Variants in KIF13B observed in about 807,000 individuals in gnomAD.
KIF13B encodes the protein kinesin-like protein KIF13B.
Under a neutral mutation model 222.0 loss-of-function variants are expected in KIF13B, and 127 were observed. That is an observed-to-expected ratio of 0.57 (90% CI 0.50 to 0.66). KIF13B has a LOEUF of 0.66. Among genes scored for constraint, KIF13B ranks in the 30% least tolerant of loss-of-function variants. The probability of loss-of-function intolerance (pLI) is 0.00; values close to 1 mark genes in which losing one functional copy is unlikely to be tolerated. For missense variants in KIF13B, 2,173 were observed against 2,379.0 expected, an observed-to-expected ratio of 0.91 and a Z score of 1.80; for synonymous variants, 976 against 919.0, an observed-to-expected ratio of 1.06 and a Z score of -1.12.
chr8:29,259,886 C>G (rs1300036607), intron 1 of KIF13B, among the ~76,000 whole-genome samples: 1 of 152,122 alleles, frequency 6.6e-6, no homozygotes, highest in East Asian at 1.9e-4. Flanking sequence ...AGCTTTGCAT[C>G]TCAGATGAAG....
intron 1 of KIF13B, among the ~76,000 whole-genome samples, chr8:29,253,345 G>A (rs968880328): frequency 1.3e-5 from 2 of 151,220 alleles, no homozygotes; most frequent in Admixed American, 6.6e-5. Context: ...CCCCATATCT[G>A]AAAACAAATA....
At chr8:29,259,960 CTG>C in intron 1 of KIF13B, among the ~76,000 whole-genome samples, 1 of 152,336 alleles carries the variant, frequency 6.6e-6, no homozygotes, top group South Asian at 2.1e-4. Flanking sequence ...TGAGCACAAA[CTG>C]GCATGGAAAT....
intron 2 of KIF13B, among the ~76,000 whole-genome samples, chr8:29,231,469 T>C (rs1252149917): frequency 1.3e-5 from 2 of 151,998 alleles, no homozygotes; most frequent in African/African-American, 4.8e-5. Flanking sequence ...ACTGGCCGAG[T>C]GACTAAGGAG....
At chr8:29,136,792 C>T (rs1274079518) in intron 21 of KIF13B, among the ~76,000 whole-genome samples, 1 of 140,650 alleles carries the variant, frequency 7.1e-6, no homozygotes, top group African/African-American at 2.7e-5. Context: ...AGACCTGTAA[C>T]AGGTTTTTTT....
chr8:29,185,819 C>T (rs184813150), intron 6 of KIF13B, among the ~76,000 whole-genome samples: 5 of 152,292 alleles, frequency 3.3e-5, no homozygotes, highest in East Asian at 3.9e-4. Context: ...AATCTGAACT[C>T]GAAAAACTCT....
chr8:29,180,339 C>T, intron 7 of KIF13B, 101 bp from the exon 8 acceptor site: 2 of 1,184,878 alleles, frequency 1.7e-6, no homozygotes, highest in Non-Finnish European at 2.5e-6. Flanking sequence ...GCTACTTAGT[C>T]AACAACATTT....
At chr8:29,241,449 G>A (rs1815774140) in intron 2 of KIF13B, among the ~76,000 whole-genome samples, 1 of 152,214 alleles carries the variant, frequency 6.6e-6, no homozygotes, top group Admixed American at 6.5e-5. Context: ...TTGGTTCTTA[G>A]AAGCTTATAA....
intron 7 of KIF13B, among the ~76,000 whole-genome samples, chr8:29,180,872 T>C (rs1349549642): frequency 6.6e-6 from 1 of 152,138 alleles, no homozygotes; most frequent in African/African-American, 2.4e-5. Context: ...TTTAACTGCA[T>C]TAATAACAAT....
chr8:29,137,874 T>G (rs1810636903), intron 21 of KIF13B, among the ~76,000 whole-genome samples: 2 of 152,128 alleles, frequency 1.3e-5, no homozygotes, highest in Admixed American at 1.3e-4. Flanking sequence ...ACAACAGGAC[T>G]CAAGGGCCAA....
Position 29,249,359 on chromosome 8 carries a change from G to A in KIF13B, c.56-3920C>T, listed in dbSNP as rs140685652. Among the ~76,000 whole-genome samples, 42 of 151,486 alleles carry A rather than the reference G, an allele frequency of 2.8e-4. 1 individual carries two copies. In the East Asian group the frequency reaches 8.1e-3, roughly 29 times the overall value. ...GCACGAGAATCACTTGAAACCAGGA[G>A]GTGGAGGTTGCAGTGAGCCAAGATC... is the stretch of plus-strand genomic sequence containing the variant. On this transcript the variant is annotated intron_variant, in intron 1 of 39. Transcript: ENST00000524189.
chr8:29,133,725 T>G (rs1202664775), intron 22 of KIF13B, among the ~76,000 whole-genome samples: 2 of 152,260 alleles, frequency 1.3e-5, no homozygotes, highest in East Asian at 3.8e-4. Context: ...CTGTTACCTG[T>G]GTTCACTTTC....
rs1807114479 is a variant in KIF13B, at chr8:29,068,727, T to C, written c.*1777A>G. 1.3e-5 allele frequency: 2 copies of C among 152,394 alleles called. No individual in the cohort carries two copies. The highest frequency in any genetic ancestry group is 2.1e-4 in the South Asian group (1 of 4,832). 9.4% of individuals were successfully genotyped at this position (152,394 alleles called of 1,614,324 possible). On this transcript the variant is annotated 3_prime_UTR_variant, in exon 40 of 40. Coordinates refer to ENST00000524189, the MANE Select transcript of KIF13B (RefSeq NM_015254.4). The surrounding 1 kb of genome is among the most constrained non-coding windows in gnomAD (Gnocchi z 4.4). ...CAGTGCTGGCCTCTCACCCAGGCCA[T>C]AGTGACACCAGCGGACCCAAAAACA... is the stretch of plus-strand genomic sequence containing the variant.
intron 24 of KIF13B, among the ~76,000 whole-genome samples, chr8:29,129,803 C>G (rs1810268332): frequency 6.6e-6 from 1 of 152,218 alleles, no homozygotes; most frequent in Non-Finnish European, 1.5e-5. Flanking sequence ...ATCTACCCAG[C>G]TGTGTGTACT....
intron 2 of KIF13B, among the ~76,000 whole-genome samples, chr8:29,236,444 G>C (rs1815511446): frequency 6.6e-6 from 1 of 152,062 alleles, no homozygotes; most frequent in Non-Finnish European, 1.5e-5. Flanking sequence ...GCCTAAATTG[G>C]CATATCTTTT....
intron 18 of KIF13B, among the ~76,000 whole-genome samples, chr8:29,144,510 G>A (rs1810967097): frequency 6.6e-6 from 1 of 152,024 alleles, no homozygotes. Flanking sequence ...CGCCCACCTT[G>A]TCCTCCCAAA....
chr8:29,221,005 G>A (rs896366088), intron 2 of KIF13B, among the ~76,000 whole-genome samples: 13 of 151,614 alleles, frequency 8.6e-5, no homozygotes, highest in South Asian at 2.1e-4. Context: ...AACTGGGTGC[G>A]GTGGCATGCA....
At chr8:29,230,828 G>A (rs771020993) in intron 2 of KIF13B, among the ~76,000 whole-genome samples, 1 of 152,152 alleles carries the variant, frequency 6.6e-6, no homozygotes, top group Non-Finnish European at 1.5e-5. Flanking sequence ...TCTGGAAATG[G>A]CAAGGCATAA....
intron 1 of KIF13B, among the ~76,000 whole-genome samples, chr8:29,248,127 T>C (rs143589918): frequency 2.7e-3 from 414 of 152,258 alleles, no homozygotes; most frequent in African/African-American, 9.5e-3. Context: ...TCACTTCAGA[T>C]AATAGTCCAG....
At chr8:29,140,433 C>T (rs1253163626) in intron 20 of KIF13B, 35 bp downstream of exon 20, 1 of 1,596,952 alleles carries the variant, frequency 6.3e-7, no homozygotes, top group African/African-American at 1.3e-5. Context: ...TTAAACTATT[C>T]TCTACAGGAA....
Sources: allele counts gnomAD v4.1 joint callset (sites outside exome capture counted in the v4.1 genomes callset), GRCh38; gene constraint gnomAD v4.1.1; non-coding constraint Gnocchi (gnomAD v3.1); transcripts MANE v1.5; gene names NCBI Gene and HGNC (gene_info 2026-07-23, HGNC 2026-07-21).